PCDH9: variants seen among roughly 807,000 people sequenced by gnomAD.
PCDH9 encodes the protein protocadherin-9.
Under a neutral mutation model 70.6 loss-of-function variants are expected in PCDH9, and 24 were observed. That is an observed-to-expected ratio of 0.34 (90% CI 0.25 to 0.48). The LOEUF (loss-of-function observed/expected upper bound fraction) is 0.48. Ranked by LOEUF, PCDH9 falls within the 20% of genes least tolerant of loss-of-function variation. The pLI, the probability that PCDH9 is intolerant of heterozygous loss-of-function variation, is 0.99. For missense variants in PCDH9, 1,281 were observed against 1,503.6 expected (o/e 0.85, Z 2.45); for synonymous variants, 562 against 558.5 (o/e 1.01, Z -0.09).
At chr13:66,576,627 G>A (rs770564606) in intron 4 of PCDH9, among the ~76,000 whole-genome samples, 5 of 152,032 alleles carry the variant, frequency 3.3e-5, no homozygotes, top group Non-Finnish European at 5.9e-5. Context: ...GTATTGACAA[G>A]CTAAACTGTG....
intron 4 of PCDH9, among the ~76,000 whole-genome samples, chr13:66,456,402 C>T (rs1206132178): frequency 6.6e-6 from 1 of 152,044 alleles, no homozygotes; most frequent in Admixed American, 6.6e-5. Flanking sequence ...GCTAGGACTA[C>T]AGAGGTATAC....
rs1490721095 is a variant in PCDH9 at position 66,701,248 on chromosome 13, GAAC to G, written c.3139-69840_3139-69838del. Among the ~76,000 whole-genome samples the G allele has an allele frequency of 2.6e-5, 4 of 151,476 alleles. No homozygotes were observed. The East Asian group carries it at 7.8e-4, about 30-fold the overall frequency. ...CAGATTTTTGCATCATGGCTACTGT[GAAC>G]AACAACCGTTTTTGTGTATATATAT... is the stretch of plus-strand genomic sequence containing the variant. On this transcript the variant is annotated intron_variant, in intron 3 of 4. Coordinates refer to ENST00000377865, the MANE Select transcript of PCDH9 (RefSeq NM_203487.3).
intron 4 of PCDH9, among the ~76,000 whole-genome samples, chr13:66,407,375 C>T (rs1957296953): frequency 6.6e-6 from 1 of 152,180 alleles, no homozygotes; most frequent in Admixed American, 6.5e-5. Flanking sequence ...CAGGTTTGGA[C>T]TCACTAATAG....
intron 3 of PCDH9, among the ~76,000 whole-genome samples, chr13:66,828,991 A>T (rs7330331): frequency 0.97 from 147,532 of 152,204 alleles, 71,670 homozygotes; most frequent in East Asian, 1. Flanking sequence ...TTATTGAAAA[A>T]GAAAGATTCT....
intron 2 of PCDH9, among the ~76,000 whole-genome samples, chr13:66,980,742 G>GTTTT (rs550869529): frequency 3.7e-5 from 4 of 107,384 alleles, no homozygotes; most frequent in Non-Finnish European, 7.3e-5. Flanking sequence ...TTTTTTTTTT[G>GTTTT]TTTTTTTTTT....
chr13:67,040,667 TG>T (rs1303664665), intron 2 of PCDH9, among the ~76,000 whole-genome samples: 8 of 152,034 alleles, frequency 5.3e-5, no homozygotes, highest in Non-Finnish European at 8.8e-5. Context: ...TAGCCCAAAC[TG>T]AATATGACAT....
At chr13:66,936,467 A>C (rs984137383) in intron 2 of PCDH9, among the ~76,000 whole-genome samples, 1 of 152,192 alleles carries the variant, frequency 6.6e-6, no homozygotes, top group Non-Finnish European at 1.5e-5. Context: ...CCATTGCTGG[A>C]AGAAAAAATT....
intron 3 of PCDH9, among the ~76,000 whole-genome samples, chr13:66,863,572 G>T (rs1390708107): frequency 6.6e-6 from 1 of 151,956 alleles, no homozygotes; most frequent in African/African-American, 2.4e-5. Flanking sequence ...TGCAAGTTCC[G>T]CCTCCCGGGT....
intron 3 of PCDH9, among the ~76,000 whole-genome samples, chr13:66,818,046 T>G (rs150021141): frequency 6.6e-6 from 1 of 152,222 alleles, no homozygotes; most frequent in South Asian, 2.1e-4. Flanking sequence ...ATGCTGATTC[T>G]AAAATATACA....
chr13:67,218,014 C>T (rs1206016745), intron 2 of PCDH9: 2 of 152,068 alleles, frequency 1.3e-5, no homozygotes. Context: ...ATTCCCTAGG[C>T]TATAAATCAC....
chr13:67,165,325 T>C (rs1055126141), intron 2 of PCDH9, among the ~76,000 whole-genome samples: 1 of 152,168 alleles, frequency 6.6e-6, no homozygotes, highest in Non-Finnish European at 1.5e-5. Flanking sequence ...TTTTAAACAT[T>C]TATCCACATA....
intron 2 of PCDH9, among the ~76,000 whole-genome samples, chr13:67,128,322 C>G (rs1203237093): frequency 6.6e-6 from 1 of 152,182 alleles, no homozygotes; most frequent in African/African-American, 2.4e-5. Flanking sequence ...AAAGATAACA[C>G]AATGCAAGTA....
intron 2 of PCDH9, among the ~76,000 whole-genome samples, chr13:66,973,863 G>C (rs183246285): frequency 6.6e-6 from 1 of 151,978 alleles, no homozygotes; most frequent in South Asian, 2.1e-4. Flanking sequence ...GTTAGCATTT[G>C]CTTGTATTTT....
At chr13:66,671,431 A>G (rs144338248) in intron 3 of PCDH9, among the ~76,000 whole-genome samples, 3,670 of 152,246 alleles carry the variant, frequency 0.024, 150 homozygotes, top group African/African-American at 0.084. Context: ...AAAGTTTGGA[A>G]CTTCCTAGTG....
At chr13:66,762,417 G>A (rs530751713) in intron 3 of PCDH9, among the ~76,000 whole-genome samples, 1 of 152,118 alleles carries the variant, frequency 6.6e-6, no homozygotes, top group South Asian at 2.1e-4. Context: ...TTACTGTGGT[G>A]GGCCCAGTGT....
rs142384528 is a variant in PCDH9 at position 66,986,132 on chromosome 13, A to C, written c.3037-82527T>G. Reference sequence around the variant, plus strand: ...AATCATGGTGGAAGGGGAAGCAAACATGTCTTCTTCACATGGCAGCAGGAA... The same window carrying C: ...AATCATGGTGGAAGGGGAAGCAAACCTGTCTTCTTCACATGGCAGCAGGAA... On this transcript the variant is annotated intron_variant, in intron 2 of 4. Coordinates refer to ENST00000377865, the MANE Select transcript of PCDH9 (RefSeq NM_203487.3). Among the ~76,000 whole-genome samples the C allele has an allele frequency of 7.2e-4, 109 of 152,046 alleles. 1 individual carries two copies. The highest frequency in any genetic ancestry group is 2.5e-3 in the South Asian group (12 of 4,816).
At chr13:66,941,523 A>G (rs2083006537) in intron 2 of PCDH9, among the ~76,000 whole-genome samples, 1 of 151,922 alleles carries the variant, frequency 6.6e-6, no homozygotes, top group African/African-American at 2.4e-5. Context: ...TACATTAAAT[A>G]TAAAGACTCA....
intron 4 of PCDH9, among the ~76,000 whole-genome samples, chr13:66,622,840 T>C (rs1025246697): frequency 1.3e-5 from 2 of 151,674 alleles, no homozygotes; most frequent in African/African-American, 4.8e-5. Context: ...CTCTTTGGAA[T>C]AAATCTTGCT....
chr13:66,608,240 A>C (rs1238485209), intron 4 of PCDH9, among the ~76,000 whole-genome samples: 3 of 152,202 alleles, frequency 2.0e-5, no homozygotes, highest in East Asian at 3.9e-4. Flanking sequence ...GATTATAAAG[A>C]GTTTACACAT....
Sources: gnomAD v4.1 joint callset for allele counts (sites outside exome capture counted in the v4.1 genomes callset) on GRCh38, gnomAD v4.1.1 for gene constraint, MANE v1.5 for transcripts, NCBI Gene and HGNC (gene_info 2026-07-23, HGNC 2026-07-21) for gene names.